ERN2: variants seen among roughly 807,000 people sequenced by gnomAD.
The protein encoded by ERN2 is serine/threonine-protein kinase/endoribonuclease IRE2.
Under a neutral mutation model 107.9 loss-of-function variants are expected in ERN2, and 111 were observed. That is an observed-to-expected ratio of 1.03 (90% CI 0.88 to 1.20). The LOEUF is 1.20. ERN2 is among the 50% of genes most tolerant of loss of function. The probability of loss-of-function intolerance (pLI) is 0.00; values close to 1 mark genes in which losing one functional copy is unlikely to be tolerated. For synonymous variants in ERN2, 524 were observed against 501.7 expected (o/e 1.04, Z -0.59); for missense variants, 1,225 against 1,197.9 (o/e 1.02, Z -0.33).
At chr16:23,705,646 C>T (rs1289113598) in intron 7 of ERN2, among the ~76,000 whole-genome samples, 1 of 152,052 alleles carries the variant, frequency 6.6e-6, no homozygotes, top group Non-Finnish European at 1.5e-5. Context: ...GGTGTGGTGG[C>T]TTATGCTCGT....
chr16:23,705,289 C>T (rs536454398), intron 7 of ERN2, 142 bp from the exon 8 acceptor site: 1 of 949,892 alleles, frequency 1.1e-6, no homozygotes, highest in East Asian at 2.6e-5. Flanking sequence ...TGTTGGAGTT[C>T]ATGGAGTCAC....
At chr16:23,703,010 G>A (rs539948187) in intron 8 of ERN2, among the ~76,000 whole-genome samples, 6 of 152,000 alleles carry the variant, frequency 3.9e-5, no homozygotes, top group Admixed American at 2.0e-4. Context: ...CATCAACTAT[G>A]AGATAGGTAA....
At chr16:23,712,786 C>T in intron 1 of ERN2, 1 of 361,512 alleles carries the variant, frequency 2.8e-6, no homozygotes, top group Non-Finnish European at 4.9e-6. Flanking sequence ...TTTTAAGAGG[C>T]CTGGCTTTCG....
At chr16:23,705,923 GGTGGGGA>G (rs1960286678) in intron 7 of ERN2, among the ~76,000 whole-genome samples, 1 of 152,070 alleles carries the variant, frequency 6.6e-6, no homozygotes, top group Admixed American at 6.5e-5. Flanking sequence ...CACAAAAAAT[GGTGGGGA>G]GTGGTCGGGG....
At chr16:23,709,253 G>T (rs762522285) in intron 4 of ERN2, 3 of 447,738 alleles carry the variant, frequency 6.7e-6, no homozygotes, top group African/African-American at 6.0e-5. Flanking sequence ...CCTTGTGATC[G>T]TACCACTGCA....
At chr16:23,707,722 T>C (rs1567253836) in intron 4 of ERN2, among the ~76,000 whole-genome samples, 1 of 151,634 alleles carries the variant, frequency 6.6e-6, no homozygotes, top group Non-Finnish European at 1.5e-5. Flanking sequence ...CTAAACAAAA[T>C]AAAATGAAAC....
At chr16:23,704,272 C>A (rs1227145498) in intron 8 of ERN2, among the ~76,000 whole-genome samples, 1 of 152,176 alleles carries the variant, frequency 6.6e-6, no homozygotes, top group Non-Finnish European at 1.5e-5. Flanking sequence ...GACCTGGAGT[C>A]CCCCTCTGAT....
chr16:23,690,470 A>C lies in ERN2; in HGVS notation c.*361T>G. The C allele has an allele frequency of 2.2e-6, 1 of 449,764 alleles. No individual in the cohort carries two copies. The highest frequency in any genetic ancestry group is 1.9e-5 in the African/African-American group (1 of 51,334). 27.9% of individuals were successfully genotyped at this position (449,764 alleles called of 1,614,324 possible). A position where few individuals can be genotyped will look rare whatever the true frequency, so the allele number is the denominator to read the frequency against. On this transcript the variant is annotated 3_prime_UTR_variant, in exon 22 of 22. Coordinates refer to ENST00000256797, the MANE Select transcript of ERN2 (RefSeq NM_033266.4). ...AGCCTCTGCCAGTCTTGTGGGGGAA[A>C]GGGGGTGACAGTGTCTCTCTGTGGA...
chr16:23,700,515 C>T, intron 13 of ERN2, 24 bp downstream of exon 13: 1 of 1,595,086 alleles, frequency 6.3e-7, no homozygotes, highest in Non-Finnish European at 8.5e-7. Flanking sequence ...TCCTGACTGC[C>T]CTGTCTTGTT....
At chr16:23,699,523 A>C (rs1276810223) in intron 13 of ERN2, among the ~76,000 whole-genome samples, 1 of 152,166 alleles carries the variant, frequency 6.6e-6, no homozygotes, top group Non-Finnish European at 1.5e-5. Context: ...TTCTGGACTC[A>C]AGCGATCCTC....
chr16:23,709,154 G>T, intron 4 of ERN2: 1 of 455,232 alleles, frequency 2.2e-6, no homozygotes, highest in Non-Finnish European at 4.4e-6. Flanking sequence ...CAAAGAACTG[G>T]GTGTGGTGGT....
At chr16:23,709,016 G>A (rs775930293) in intron 4 of ERN2, among the ~76,000 whole-genome samples, 6 of 152,150 alleles carry the variant, frequency 3.9e-5, no homozygotes, top group Non-Finnish European at 8.8e-5. Context: ...TTCTATTTGA[G>A]TATGCCATGT....
chr16:23,695,433 A>G, intron 14 of ERN2, 44 bp from the exon 15 acceptor site: 5 of 1,536,166 alleles, frequency 3.3e-6, no homozygotes. Flanking sequence ...ATTCAGGGAA[A>G]GCAGATAAAG....
chr16:23,692,085 C>A lies in ERN2; in HGVS notation c.2254G>T (p.Val752Leu), dbSNP rs1959620336. 6.2e-7 allele frequency: 1 copy of A among 1,613,714 alleles called. No homozygotes were observed. Among genetic ancestry groups the A allele is most frequent in the Non-Finnish European group, 8.5e-7 (1 of 1,180,028 alleles). ...GCTCCAACCAGGTCCCGGGCAACCA[C>A]CTTGTCTGGAGGATGGAAGAGGAGG... The part of the protein sequence containing the change: ...AHLEEEVHDK[V>L]VARDLVGAML... The change falls in exon 19 of 22, where the codon GTG (valine) becomes TTG (leucine). Residue 752 changes from valine to leucine, a missense_variant. Val to Leu is a conservative substitution (Grantham distance 32). Coordinates refer to ENST00000256797, the MANE Select transcript of ERN2 (RefSeq NM_033266.4).
At chr16:23,709,975 C>T (rs920976431) in intron 4 of ERN2, 197 bp downstream of exon 4, 4 of 566,650 alleles carry the variant, frequency 7.1e-6, no homozygotes, top group Non-Finnish European at 1.3e-5. Flanking sequence ...AGTCAGATTG[C>T]CCTGCAGACA....
At position 23,710,971 on chromosome 16, in the gene ERN2, A is replaced by G. The variant is rs1332331377; in HGVS notation, c.141T>C (p.Asp47=). 6.2e-7 allele frequency: 1 copy of G among 1,614,012 alleles called. No individual in the cohort carries two copies. Among genetic ancestry groups the G allele is most frequent in the Non-Finnish European group, 8.5e-7 (1 of 1,179,996 alleles). The change falls in exon 2 of 22, where the codon GAT becomes GAC. Residue 47 remains aspartate (D), a synonymous_variant. Transcript: ENST00000256797. ...PENLLLVSTL[D]GSLHALSKQT... ...GCTTGCTTAGTGCGTGGAGACTTCC[A>G]TCCAAGGTGGACACCAGCAGGAGGT...
chr16:23,710,844 A>G (rs891518665), intron 2 of ERN2, 69 bp downstream of exon 2: 3 of 1,143,616 alleles, frequency 2.6e-6, no homozygotes, highest in Non-Finnish European at 4.0e-6. Context: ...CTTATTCTCT[A>G]TGCCACAGTG....
intron 4 of ERN2, chr16:23,709,409 G>A (rs1177739299): frequency 3.4e-6 from 1 of 295,508 alleles, no homozygotes; most frequent in Non-Finnish European, 6.7e-6. Flanking sequence ...TTTTCATCTT[G>A]TATTCATGTC....
chr16:23,693,819 G>T (rs2141005270), intron 17 of ERN2, among the ~76,000 whole-genome samples: 1 of 152,118 alleles, frequency 6.6e-6, no homozygotes, highest in African/African-American at 2.4e-5. Context: ...TAATTCAGGG[G>T]TCCCAAACGC....
Sources: allele counts gnomAD v4.1 joint callset (sites outside exome capture counted in the v4.1 genomes callset), GRCh38; gene constraint gnomAD v4.1.1; transcripts MANE v1.5; gene names NCBI Gene and HGNC (gene_info 2026-07-23, HGNC 2026-07-21).